Variants in NMBR observed in about 807,000 individuals in gnomAD.
The protein encoded by NMBR is neuromedin-B receptor.
A neutral mutation model predicts 20.5 loss-of-function variants in NMBR; 16 were observed. The ratio of observed to expected loss-of-function variants is 0.78; its 90% CI spans 0.53 to 1.19. The LOEUF (loss-of-function observed/expected upper bound fraction) is 1.19. Among genes scored for constraint, NMBR ranks in the 50% most tolerant of loss-of-function variants. The pLI is 0.00. For synonymous variants in NMBR, 212 were observed against 196.6 expected (o/e 1.08, Z -0.65); for missense variants, 582 against 499.1 (o/e 1.17, Z -1.58).
intron 1 of NMBR, among the ~76,000 whole-genome samples, chr6:142,119,062 G>A (rs1777899887): frequency 6.6e-6 from 1 of 152,022 alleles, no homozygotes; most frequent in South Asian, 2.1e-4. Flanking sequence ...CCTGCAAATG[G>A]AATGGACTCT....
chr6:142,118,645 C>T (rs1175095158), intron 1 of NMBR, among the ~76,000 whole-genome samples: 3 of 151,994 alleles, frequency 2.0e-5, no homozygotes, highest in African/African-American at 7.2e-5. Context: ...TTATAAAAGT[C>T]TTTCAGATTA....
At chr6:142,111,630 T>C (rs1777765014) in intron 1 of NMBR, among the ~76,000 whole-genome samples, 1 of 152,228 alleles carries the variant, frequency 6.6e-6, no homozygotes, top group Non-Finnish European at 1.5e-5. Context: ...TAAATCATTT[T>C]ATGCAAATTG....
chr6:142,089,516 C>A lies in NMBR; in HGVS notation c.-663-195G>T, dbSNP rs1394138887. On this transcript the variant is annotated intron_variant, in intron 1 of 3. Coordinates refer to ENST00000258042, the MANE Select transcript of NMBR (RefSeq NM_002511.4). ...GTGTATAACGTACACATTTCTTAAT[C>A]GTTCTGCTTAATCTAACCATCATTC... Among the ~76,000 whole-genome samples the A allele has an allele frequency of 2.0e-5, 3 of 152,224 alleles. No individual in the cohort carries two copies. The East Asian group carries it at 5.8e-4, about 29-fold the overall frequency.
intron 1 of NMBR, among the ~76,000 whole-genome samples, chr6:142,097,311 C>T (rs1425432403): frequency 6.6e-6 from 1 of 152,018 alleles, no homozygotes; most frequent in Non-Finnish European, 1.5e-5. Flanking sequence ...TGGCTGGTAC[C>T]AGTTGTTCCT....
At chr6:142,141,086 G>A (rs2114615210) in intron 1 of NMBR, among the ~76,000 whole-genome samples, 1 of 152,302 alleles carries the variant, frequency 6.6e-6, no homozygotes, top group South Asian at 2.1e-4. Flanking sequence ...TGAACTAATT[G>A]ATATTTATAG....
chr6:142,120,961 A>C (rs1292118527), intron 1 of NMBR, among the ~76,000 whole-genome samples: 1 of 151,984 alleles, frequency 6.6e-6, no homozygotes, highest in Non-Finnish European at 1.5e-5. Flanking sequence ...GGTTGGTGTC[A>C]ACCCTGCATC....
At position 142,085,459 on chromosome 6, in the gene NMBR, G is replaced by A. The variant is rs554864250; in HGVS notation, c.422+2778C>T. Among the ~76,000 whole-genome samples the A allele has an allele frequency of 5.9e-5, 9 of 152,184 alleles. No homozygotes were observed. The South Asian group carries it at 1.9e-3, about 32-fold the overall frequency. On this transcript the variant is annotated intron_variant, in intron 2 of 3. Coordinates refer to ENST00000258042, the MANE Select transcript of NMBR (RefSeq NM_002511.4). ...GATTTGCTTGAACCTGGGAGGCAGA[G>A]GTTGCAGTGAGCCGAGATCGCACCC...
intron 1 of NMBR, among the ~76,000 whole-genome samples, chr6:142,122,555 G>A (rs1777962719): frequency 2.0e-5 from 3 of 151,950 alleles, no homozygotes; most frequent in African/African-American, 7.2e-5. Flanking sequence ...GGGAAAAGAT[G>A]CCATCTAAAA....
At chr6:142,146,246 G>C (rs111306814) in intron 1 of NMBR, among the ~76,000 whole-genome samples, 101 of 152,300 alleles carry the variant, frequency 6.6e-4, no homozygotes, top group African/African-American at 2.1e-3. Flanking sequence ...GGTTTCTTCT[G>C]GGGGTGAGAG....
intron 2 of NMBR, among the ~76,000 whole-genome samples, 159 bp from the exon 3 acceptor site, chr6:142,079,062 G>GAGAA (rs1562390102): frequency 7.5e-6 from 1 of 133,390 alleles, no homozygotes; most frequent in Admixed American, 8.0e-5. Context: ...GAGAGAAAGA[G>GAGAA]AGAGAGAAAG....
chr6:142,124,737 A>C (rs1474974539), intron 1 of NMBR, among the ~76,000 whole-genome samples: 1 of 151,966 alleles, frequency 6.6e-6, no homozygotes, highest in African/African-American at 2.4e-5. Context: ...ATTGAAAAGA[A>C]GGAAAATAAG....
At chr6:142,079,333 G>T (rs1400396712) in intron 2 of NMBR, among the ~76,000 whole-genome samples, 2 of 152,048 alleles carry the variant, frequency 1.3e-5, no homozygotes, top group Non-Finnish European at 2.9e-5. Flanking sequence ...AAGACCTAAG[G>T]TTCCTGGTGT....
intron 1 of NMBR, among the ~76,000 whole-genome samples, chr6:142,127,915 T>C (rs1157451203): frequency 6.6e-6 from 1 of 152,124 alleles, no homozygotes; most frequent in African/African-American, 2.4e-5. Context: ...CTCCTACTTG[T>C]ATAATTATGT....
chr6:142,097,599 G>A (rs1003827649), intron 1 of NMBR, among the ~76,000 whole-genome samples: 5 of 152,062 alleles, frequency 3.3e-5, no homozygotes, highest in African/African-American at 1.2e-4. Context: ...TTGTAAACTG[G>A]GGGCTGTCTG....
At chr6:142,082,906 T>C (rs913666408) in intron 2 of NMBR, among the ~76,000 whole-genome samples, 2 of 152,244 alleles carry the variant, frequency 1.3e-5, no homozygotes, top group African/African-American at 2.4e-5. Flanking sequence ...TTGGATGTAA[T>C]GGATACATGG....
intron 2 of NMBR, among the ~76,000 whole-genome samples, chr6:142,081,155 T>C (rs1582835819): frequency 6.6e-6 from 1 of 152,104 alleles, no homozygotes; most frequent in Admixed American, 6.6e-5. Context: ...AAGGGTCTCT[T>C]TGGAGTCTTT....
chr6:142,128,522 A>G (rs980365167), intron 1 of NMBR, among the ~76,000 whole-genome samples: 2 of 151,906 alleles, frequency 1.3e-5, no homozygotes, highest in Non-Finnish European at 2.9e-5. Flanking sequence ...TATGGCCTTT[A>G]TTATGTTGAG....
intron 1 of NMBR, among the ~76,000 whole-genome samples, chr6:142,105,846 G>T (rs751076522): frequency 1.3e-5 from 2 of 152,018 alleles, no homozygotes; most frequent in Non-Finnish European, 2.9e-5. Context: ...TAGAAGGATG[G>T]TTCTTCAAAT....
chr6:142,090,846 C>A (rs1310976132), intron 1 of NMBR, among the ~76,000 whole-genome samples: 1 of 151,612 alleles, frequency 6.6e-6, no homozygotes, highest in Non-Finnish European at 1.5e-5. Flanking sequence ...ATATTGAAAT[C>A]GAAATTACTG....
Sources: allele counts gnomAD v4.1 joint callset (sites outside exome capture counted in the v4.1 genomes callset), GRCh38; gene constraint gnomAD v4.1.1; transcripts MANE v1.5; gene names NCBI Gene and HGNC (gene_info 2026-07-23, HGNC 2026-07-21).